The following EHD4 variants were observed in gnomAD, a reference collection of about 807,000 sequenced individuals.
EHD4 encodes the protein EH domain-containing protein 4.
A neutral mutation model predicts 51.0 loss-of-function variants in EHD4; 37 were observed. The ratio of observed to expected loss-of-function variants is 0.73; its 90% confidence interval spans 0.56 to 0.95. The LOEUF is 0.95. Ranked by LOEUF, EHD4 falls within the 40% of genes least tolerant of loss-of-function variation. EHD4 has a pLI of 0.00. For missense variants in EHD4, 632 were observed against 733.1 expected (o/e 0.86, Z 1.59); for synonymous variants, 297 against 317.3 (o/e 0.94, Z 0.68).
chr15:41,934,900 T>C (rs1053244845), intron 3 of EHD4, among the ~76,000 whole-genome samples: 2 of 152,206 alleles, frequency 1.3e-5, no homozygotes, highest in Non-Finnish European at 2.9e-5. Context: ...ACATTCCTAA[T>C]AATTCTAGGT....
chr15:41,949,061 C>G (rs1227263788), intron 2 of EHD4, among the ~76,000 whole-genome samples: 1 of 123,938 alleles, frequency 8.1e-6, no homozygotes, highest in Non-Finnish European at 1.7e-5. Context: ...TACACACATA[C>G]ACACACACAT....
At chr15:41,957,968 C>T (rs1292284700) in intron 1 of EHD4, among the ~76,000 whole-genome samples, 2 of 151,982 alleles carry the variant, frequency 1.3e-5, no homozygotes, top group East Asian at 3.9e-4. Flanking sequence ...GTGCAATGTG[C>T]ATAAATGGGT....
chr15:41,912,170 C>G (rs915922880), intron 4 of EHD4, among the ~76,000 whole-genome samples: 2 of 152,298 alleles, frequency 1.3e-5, no homozygotes, highest in African/African-American at 4.8e-5. Flanking sequence ...CAGGTCTCAA[C>G]TCCCTCCTCC....
chr15:41,936,410 T>A (rs1209802990), intron 3 of EHD4, among the ~76,000 whole-genome samples: 6 of 152,202 alleles, frequency 3.9e-5, no homozygotes, highest in African/African-American at 1.4e-4. Flanking sequence ...AATGAGTTAA[T>A]AATATGTGGA....
chr15:41,912,244 C>G (rs1343687986), intron 4 of EHD4, among the ~76,000 whole-genome samples: 1 of 152,190 alleles, frequency 6.6e-6, no homozygotes, highest in Non-Finnish European at 1.5e-5. Flanking sequence ...TGCAGCTGCT[C>G]TCGGTCCCAG....
intron 4 of EHD4, among the ~76,000 whole-genome samples, chr15:41,913,818 A>G (rs2067565257): frequency 6.6e-6 from 1 of 152,202 alleles, no homozygotes; most frequent in Non-Finnish European, 1.5e-5. Context: ...GAACATTCGT[A>G]TCTTGTTCAA....
chr15:41,903,565 C>T (rs914015970), intron 5 of EHD4, among the ~76,000 whole-genome samples: 2 of 151,966 alleles, frequency 1.3e-5, no homozygotes, highest in Non-Finnish European at 2.9e-5. Context: ...TAACCTTTCT[C>T]TTAACAGTTA....
intron 3 of EHD4, among the ~76,000 whole-genome samples, chr15:41,923,859 C>T (rs772625325): frequency 5.3e-5 from 8 of 152,214 alleles, no homozygotes; most frequent in Admixed American, 5.2e-4. Flanking sequence ...AAAACTCACC[C>T]AAGCTCCCTG....
intron 4 of EHD4, among the ~76,000 whole-genome samples, chr15:41,918,242 A>ACACACACACACACACACG (rs1347109024): frequency 7.7e-6 from 1 of 130,480 alleles, no homozygotes; most frequent in African/African-American, 2.8e-5. Context: ...ACACACACAC[A>ACACACACACACACACACG]CGCGCATGTT....
rs2067868900 is a variant in EHD4, at chr15:41,953,848, C to A, written c.329G>T (p.Gly110Val). 2 of 1,613,950 alleles carry A rather than the reference C, an allele frequency of 1.2e-6. No homozygotes were observed. The highest frequency in any genetic ancestry group is 1.7e-5 in the Admixed American group (1 of 59,984). Reference sequence around the variant, plus strand: ...GACTAAAGCATTCCCTGGGGTGCTGCCCTCAGTCTCTCCATACATCACGGC... The same window carrying A: ...GACTAAAGCATTCCCTGGGGTGCTGACCTCAGTCTCTCCATACATCACGGC... ...FIAVMYGETE[G>V]STPGNALVVD... The change falls in exon 2 of 6, where the codon GGC (glycine) becomes GTC (valine). Residue 110 changes from glycine to valine, a missense_variant. Gly to Val is a moderately radical substitution (Grantham distance 109). Coordinates refer to ENST00000220325, the MANE Select transcript of EHD4 (RefSeq NM_139265.4).
chr15:41,901,333 T>C (rs2067476801), intron 5 of EHD4, 152 bp from the exon 6 acceptor site: 2 of 719,378 alleles, frequency 2.8e-6, no homozygotes, highest in Non-Finnish European at 2.1e-6. Flanking sequence ...CATCCAGATG[T>C]ACCACATATA....
At chr15:41,962,625 T>A (rs1004725420) in intron 1 of EHD4, among the ~76,000 whole-genome samples, 4 of 151,116 alleles carry the variant, frequency 2.6e-5, no homozygotes, top group African/African-American at 9.7e-5. Flanking sequence ...TAAAAAGTAA[T>A]CCTATTTTAA....
At chr15:41,957,717 T>C (rs1475398670) in intron 1 of EHD4, among the ~76,000 whole-genome samples, 1 of 152,204 alleles carries the variant, frequency 6.6e-6, no homozygotes, top group African/African-American at 2.4e-5. Flanking sequence ...AAGCAGGACC[T>C]GGCAGATCCC....
chr15:41,902,665 T>C (rs4924586), intron 5 of EHD4, among the ~76,000 whole-genome samples: 16,619 of 151,552 alleles, frequency 0.11, 1,251 homozygotes, highest in Non-Finnish European at 0.16. Context: ...TCCCAGCACT[T>C]TGGGAGGTCA....
At chr15:41,954,558 A>T (rs994938595) in intron 1 of EHD4, among the ~76,000 whole-genome samples, 3 of 152,222 alleles carry the variant, frequency 2.0e-5, no homozygotes, top group Admixed American at 2.0e-4. Flanking sequence ...AATGCCAAAT[A>T]CAATTTTTCC....
At chr15:41,938,542 C>A (rs1017841374) in intron 3 of EHD4, among the ~76,000 whole-genome samples, 1 of 152,100 alleles carries the variant, frequency 6.6e-6, no homozygotes, top group Non-Finnish European at 1.5e-5. Flanking sequence ...AATGAATAGG[C>A]TGGGATTAAG....
chr15:41,943,277 A>G, intron 2 of EHD4, 113 bp from the exon 3 acceptor site: 1 of 758,960 alleles, frequency 1.3e-6, no homozygotes, highest in Non-Finnish European at 2.1e-6. Flanking sequence ...GGGGGCCTGA[A>G]GGAGACTGAC....
chr15:41,948,854 C>G (rs1438941712), intron 2 of EHD4, among the ~76,000 whole-genome samples: 8 of 151,480 alleles, frequency 5.3e-5, no homozygotes, highest in Admixed American at 5.3e-4. Context: ...TATGGCAAAA[C>G]CCTGTCTTTA....
chr15:41,962,313 TAA>T (rs1037117001), intron 1 of EHD4, among the ~76,000 whole-genome samples: 29 of 151,830 alleles, frequency 1.9e-4, no homozygotes, highest in Admixed American at 2.6e-4. Flanking sequence ...ATTTGAAAAA[TAA>T]AGAGTAATGC....
Sources: allele counts gnomAD v4.1 joint callset (sites outside exome capture counted in the v4.1 genomes callset), GRCh38; gene constraint gnomAD v4.1.1; transcripts MANE v1.5; gene names NCBI Gene and HGNC (gene_info 2026-07-23, HGNC 2026-07-21).